Variants in TXK observed in about 807,000 individuals in gnomAD.
TXK encodes tyrosine-protein kinase TXK.
Under a neutral mutation model 81.0 loss-of-function variants are expected in TXK, and 60 were observed. That is an observed-to-expected ratio of 0.74 (90% CI 0.60 to 0.92). The LOEUF is 0.92. TXK is among the 40% of genes least tolerant of loss of function. The pLI is 0.00. For synonymous variants in TXK, 203 were observed against 210.7 expected, an observed-to-expected ratio of 0.96 and a Z score of 0.32; for missense variants, 581 against 638.3, an observed-to-expected ratio of 0.91 and a Z score of 0.97.
At chr4:48,118,132 G>A (rs983648101) in intron 1 of TXK, among the ~76,000 whole-genome samples, 8 of 152,108 alleles carry the variant, frequency 5.3e-5, no homozygotes, top group South Asian at 2.1e-4. Flanking sequence ...GAGGTAGATC[G>A]GTGTCTCAGA....
intron 6 of TXK, among the ~76,000 whole-genome samples, chr4:48,095,660 T>C (rs922647137): frequency 2.6e-5 from 4 of 151,970 alleles, no homozygotes; most frequent in African/African-American, 9.7e-5. Flanking sequence ...AAGCAGGGCG[T>C]GGGGAAGGAC....
rs548912936 is a variant in TXK at position 48,073,809 on chromosome 4, A to C, written c.1357+126T>G. The C allele has an allele frequency of 8.2e-5, 54 of 661,528 alleles. No homozygotes were observed. In the South Asian group the frequency reaches 9.2e-4, roughly 11 times the overall value. The allele number at this position is 661,528 out of a possible 1,614,324, so 41.0% of individuals were successfully genotyped here. A position where few individuals can be genotyped will look rare whatever the true frequency, so the allele number is the denominator to read the frequency against. On this transcript the variant is annotated intron_variant, in intron 13 of 14. Coordinates refer to ENST00000264316, the MANE Select transcript of TXK (RefSeq NM_003328.3). ...GTCGGGATGTGGTTAGAACACACAG[A>C]AGGAAGCACAATTACAAGAAGACTT...
At chr4:48,106,320 T>G (rs1718457775) in intron 5 of TXK, 2 of 152,102 alleles carry the variant, frequency 1.3e-5, no homozygotes, top group Admixed American at 1.3e-4. Context: ...CGAATGGAAC[T>G]TAGAGGAGGC....
intron 9 of TXK, among the ~76,000 whole-genome samples, chr4:48,088,675 A>C (rs1717632267): frequency 6.6e-6 from 1 of 152,234 alleles, no homozygotes; most frequent in African/African-American, 2.4e-5. Context: ...TAAATTTTTT[A>C]AGTTTATTTT....
At chr4:48,122,303 C>A (rs539374143) in intron 1 of TXK, among the ~76,000 whole-genome samples, 5 of 152,348 alleles carry the variant, frequency 3.3e-5, no homozygotes, top group Admixed American at 6.5e-5. Context: ...CTCAGCCACA[C>A]CGCAATGCTG....
chr4:48,098,043 G>A (rs750275289), intron 6 of TXK, among the ~76,000 whole-genome samples: 3 of 151,916 alleles, frequency 2.0e-5, no homozygotes, highest in Non-Finnish European at 2.9e-5. Flanking sequence ...CACCACGCCC[G>A]GCCAAAAGCT....
chr4:48,069,930 T>C (rs1282142849), intron 14 of TXK, among the ~76,000 whole-genome samples: 1 of 152,216 alleles, frequency 6.6e-6, no homozygotes, highest in African/African-American at 2.4e-5. Context: ...TTCTGAACAT[T>C]TTTTTCTTAC....
chr4:48,080,231 C>A, intron 10 of TXK, 103 bp from the exon 11 acceptor site: 1 of 911,534 alleles, frequency 1.1e-6, no homozygotes, highest in Non-Finnish European at 1.7e-6. Context: ...CTCTCATTAT[C>A]AAGATAAGAT....
chr4:48,083,206 C>T lies in TXK; in HGVS notation c.957-3078G>A, dbSNP rs184874180. Among the ~76,000 whole-genome samples the T allele has an allele frequency of 1.4e-3, 220 of 152,290 alleles. 1 individual carries two copies. Among genetic ancestry groups the T allele is most frequent in the African/African-American group, 5.1e-3 (213 of 41,554 alleles). ...CCTAGATGCTGCTGTTGGGCTAGAGCCCAAAAGCACTCACCCTGATTCCTG... is the reference window on the plus strand; with the variant it reads ...CCTAGATGCTGCTGTTGGGCTAGAGTCCAAAAGCACTCACCCTGATTCCTG... On this transcript the variant is annotated intron_variant, in intron 10 of 14. Transcript: ENST00000264316.
rs944021887 is a variant in TXK at position 48,120,553 on chromosome 4, C to A, written c.17-6151G>T. The stretch of plus-strand genomic sequence containing the variant: ...TCGCCGAGACTGGAGTGCATTGGTG[C>A]CATCTTGGCTCACTGCAATCTCCGG... On this transcript the variant is annotated intron_variant, in intron 1 of 14. Coordinates refer to ENST00000264316, the MANE Select transcript of TXK (RefSeq NM_003328.3). 4.6e-5 allele frequency among the ~76,000 whole-genome samples: 7 copies of A among 151,164 alleles called. No homozygotes were observed. In the East Asian group the frequency reaches 9.7e-4, roughly 21 times the overall value.
chr4:48,087,802 T>C (rs1228255280), intron 9 of TXK, among the ~76,000 whole-genome samples: 5 of 152,280 alleles, frequency 3.3e-5, no homozygotes, highest in Non-Finnish European at 4.4e-5. Context: ...ATAAATTTAT[T>C]CAACAGAATA....
chr4:48,072,205 T>TGGG (rs1368466757), intron 13 of TXK, among the ~76,000 whole-genome samples: 1 of 152,174 alleles, frequency 6.6e-6, no homozygotes, highest in Non-Finnish European at 1.5e-5. Flanking sequence ...GGTTTCACCA[T>TGGG]GTTGGCCAGG....
intron 7 of TXK, 146 bp from the exon 8 acceptor site, chr4:48,094,350 C>T: frequency 2.3e-6 from 2 of 871,758 alleles, no homozygotes; most frequent in East Asian, 2.7e-5. Context: ...AACAAGTGCC[C>T]CCCCATGCCA....
chr4:48,134,105 AG>A (rs754631553), intron 1 of TXK, 49 bp downstream of exon 1: 1 of 1,605,626 alleles, frequency 6.2e-7, no homozygotes, highest in East Asian at 2.2e-5. Flanking sequence ...CAAGAATAAC[AG>A]GCCCCAGAAC....
chr4:48,082,345 T>C (rs531472912), intron 10 of TXK, among the ~76,000 whole-genome samples: 32 of 152,202 alleles, frequency 2.1e-4, no homozygotes, highest in Admixed American at 4.6e-4. Flanking sequence ...ACAGACTCTT[T>C]AAGTCTACTA....
chr4:48,110,587 G>A lies in TXK; in HGVS notation c.397C>T (p.Pro133Ser), dbSNP rs1718603145. 1 of 1,611,850 alleles carries A rather than the reference G, an allele frequency of 6.2e-7. No individual in the cohort carries two copies. The highest frequency in any genetic ancestry group is 2.2e-5 in the East Asian group (1 of 44,754). Residue 133 changes from proline to serine, a missense_variant, in exon 5 of 15, where the codon CCA (proline) becomes TCA (serine). Pro to Ser is a moderately conservative substitution (Grantham distance 74). Transcript: ENST00000264316. ...TTGTTTTCAGTCACATAGTTGCTTG[G>A]GATTAAGCCTTCATTCCTACAACAA... ...RDRLGNEGLI[P>S]SNYVTENKIT...
In TXK at chr4:48,121,688, GA is replaced by G. The variant is rs151294298; in HGVS notation, c.17-7287del. On this transcript the variant is annotated intron_variant, in intron 1 of 14. Coordinates refer to ENST00000264316, the MANE Select transcript of TXK (RefSeq NM_003328.3). ...TATATTGTTTAGGGAATAATACCAA[GA>G]AAAAAATGTCTGTACATGTTCAATA... 2.2e-4 allele frequency among the ~76,000 whole-genome samples: 33 copies of G among 151,848 alleles called. No homozygotes were observed. In the East Asian group the frequency reaches 5.6e-3, roughly 26 times the overall value.
At chr4:48,096,598 G>A (rs912033077) in intron 6 of TXK, among the ~76,000 whole-genome samples, 13 of 152,082 alleles carry the variant, frequency 8.5e-5, no homozygotes, top group Non-Finnish European at 1.5e-4. Context: ...TCGGCTCACT[G>A]CAACCTCCAC....
intron 10 of TXK, among the ~76,000 whole-genome samples, chr4:48,081,935 C>T (rs941326168): frequency 3.9e-5 from 6 of 152,190 alleles, no homozygotes; most frequent in African/African-American, 1.2e-4. Flanking sequence ...TTCCGACTAC[C>T]TGCCACATTC....
Sources: allele counts gnomAD v4.1 joint callset (sites outside exome capture counted in the v4.1 genomes callset), GRCh38; gene constraint gnomAD v4.1.1; transcripts MANE v1.5; gene names NCBI Gene and HGNC (gene_info 2026-07-23, HGNC 2026-07-21).